The following PPM1L variants were observed in gnomAD, a reference collection of about 807,000 sequenced individuals.
The protein encoded by PPM1L is protein phosphatase, Mg2+/Mn2+ dependent 1L, also known as protein phosphatase 1L.
In PPM1L, 13 loss-of-function variants were observed where a neutral mutation model predicts 31.4. The ratio of observed to expected loss-of-function variants is 0.41; its 90% CI spans 0.27 to 0.66. The LOEUF is 0.66. Ranked by LOEUF, PPM1L falls within the 30% of genes least tolerant of loss-of-function variation. The pLI is 0.29. For missense variants in PPM1L, 326 were observed against 453.7 expected (o/e 0.72, Z 2.56); for synonymous variants, 184 against 175.4 (o/e 1.05, Z -0.39).
At chr3:160,975,229 T>A (rs1267210250) in intron 2 of PPM1L, among the ~76,000 whole-genome samples, 1 of 152,134 alleles carries the variant, frequency 6.6e-6, no homozygotes, top group Non-Finnish European at 1.5e-5. Flanking sequence ...TCCATTGATC[T>A]ATATCTCTGT....
At chr3:160,944,375 T>C (rs751588458) in intron 1 of PPM1L, among the ~76,000 whole-genome samples, 8 of 151,948 alleles carry the variant, frequency 5.3e-5, no homozygotes, top group Non-Finnish European at 1.0e-4. Context: ...CTCATTGTTT[T>C]TATAATGCTT....
At chr3:160,840,166 T>C (rs1560122096) in intron 1 of PPM1L, among the ~76,000 whole-genome samples, 1 of 152,174 alleles carries the variant, frequency 6.6e-6, no homozygotes, top group East Asian at 1.9e-4. Context: ...ATGGTACTTT[T>C]AAAATGTTTC....
intron 1 of PPM1L, among the ~76,000 whole-genome samples, chr3:160,837,989 A>G (rs1341406479): frequency 1.3e-5 from 2 of 152,130 alleles, no homozygotes; most frequent in African/African-American, 4.8e-5. Flanking sequence ...ATGCTTATAG[A>G]AGACTTTGTG....
intron 2 of PPM1L, among the ~76,000 whole-genome samples, chr3:161,008,173 T>C (rs1559922475): frequency 6.6e-6 from 1 of 152,212 alleles, no homozygotes; most frequent in Non-Finnish European, 1.5e-5. Flanking sequence ...TCCCTCCACC[T>C]TTTTGTGTAA....
In PPM1L at chr3:161,065,105, C is replaced by T. The variant is rs192966392; in HGVS notation, c.575-298C>T. ...ACTGAAACTTCAAACGATTTTGTTT[C>T]TCTCCTAATCCTTTTAAATGTGATA... On this transcript the variant is annotated intron_variant, in intron 2 of 3. Transcript: ENST00000498165. 5.9e-3 allele frequency among the ~76,000 whole-genome samples: 893 copies of T among 152,188 alleles called. 3 individuals are homozygous for T. Among genetic ancestry groups the T allele is most frequent in the Non-Finnish European group, 0.01 (693 of 68,000 alleles).
At chr3:160,792,417 A>C (rs1289058797) in intron 1 of PPM1L, among the ~76,000 whole-genome samples, 1 of 152,144 alleles carries the variant, frequency 6.6e-6, no homozygotes, top group African/African-American at 2.4e-5. Context: ...TAAGCTTTTA[A>C]TTTTAGAATG....
At chr3:160,880,137 A>C (rs924353468) in intron 1 of PPM1L, among the ~76,000 whole-genome samples, 1 of 152,152 alleles carries the variant, frequency 6.6e-6, no homozygotes, top group African/African-American at 2.4e-5. Flanking sequence ...AAATTATACC[A>C]TCTTCTTGGC....
chr3:160,756,710 A>G lies in PPM1L; in HGVS notation c.399+3A>G, dbSNP rs760798705. The G allele has an allele frequency of 1.9e-6, 3 of 1,611,688 alleles. No homozygotes were observed. In the South Asian group the frequency reaches 3.3e-5, roughly 18 times the overall value. On this transcript the variant is annotated splice_donor_region_variant and intron_variant, in intron 1 of 3. Transcript: ENST00000498165. This position sits in a 1 kb window ranked among gnomAD's most constrained non-coding sequence, Gnocchi z 6.2. ...TCTTCGACGGGCACGGGGGAGAGGT[A>G]GGAGCTACCCCGGGGCTTTGTATTT...
intron 1 of PPM1L, among the ~76,000 whole-genome samples, chr3:160,771,778 A>T (rs1413222304): frequency 2.0e-5 from 3 of 151,936 alleles, no homozygotes; most frequent in African/African-American, 7.2e-5. Flanking sequence ...TGCCAGCCAT[A>T]GCTTTGACAC....
chr3:160,917,293 T>A (rs1353302805), intron 1 of PPM1L, among the ~76,000 whole-genome samples: 1 of 152,228 alleles, frequency 6.6e-6, no homozygotes, highest in Non-Finnish European at 1.5e-5. Context: ...CTGCTAGCAT[T>A]GTAAATAGCC....
chr3:161,065,377 C>T (rs375488070), intron 2 of PPM1L, 26 bp from the exon 3 acceptor site: 16 of 1,609,704 alleles, frequency 9.9e-6, no homozygotes, highest in Middle Eastern at 1.7e-4. Flanking sequence ...TGACCTCCCG[C>T]GTTCTCTCTC....
At chr3:160,823,660 A>G (rs977549841) in intron 1 of PPM1L, among the ~76,000 whole-genome samples, 2 of 152,182 alleles carry the variant, frequency 1.3e-5, no homozygotes, top group African/African-American at 4.8e-5. Flanking sequence ...CATTTCTTAA[A>G]CATTTGCCAT....
intron 1 of PPM1L, among the ~76,000 whole-genome samples, chr3:160,941,894 G>A (rs1715174315): frequency 6.6e-6 from 1 of 152,232 alleles, no homozygotes; most frequent in Non-Finnish European, 1.5e-5. Flanking sequence ...TTTGATAAAT[G>A]TTAAAAGAAT....
At chr3:160,823,689 T>C (rs555933073) in intron 1 of PPM1L, among the ~76,000 whole-genome samples, 1 of 152,260 alleles carries the variant, frequency 6.6e-6, no homozygotes, top group East Asian at 1.9e-4. Context: ...TACGCTATGC[T>C]TTTTATATAT....
chr3:160,995,846 T>C (rs1050779118), intron 2 of PPM1L, among the ~76,000 whole-genome samples: 18 of 152,174 alleles, frequency 1.2e-4, no homozygotes, highest in African/African-American at 4.1e-4. Flanking sequence ...AGTTTTCTAA[T>C]GGCATCTCTT....
intron 1 of PPM1L, among the ~76,000 whole-genome samples, chr3:160,792,332 C>T (rs1316897701): frequency 6.6e-6 from 1 of 152,054 alleles, no homozygotes; most frequent in South Asian, 2.1e-4. Flanking sequence ...TAAGTAACAA[C>T]TTAGTACCAA....
chr3:160,940,338 G>A (rs185887477), intron 1 of PPM1L, among the ~76,000 whole-genome samples: 2 of 152,304 alleles, frequency 1.3e-5, no homozygotes, highest in African/African-American at 4.8e-5. Context: ...TGCATAAGTA[G>A]CAAGGAGCCT....
intron 1 of PPM1L, among the ~76,000 whole-genome samples, chr3:160,892,879 T>A (rs1456237369): frequency 2.0e-5 from 3 of 152,160 alleles, no homozygotes; most frequent in Non-Finnish European, 4.4e-5. Flanking sequence ...TTCACAGAAT[T>A]CATTGATAAT....
At chr3:161,061,751 C>T (rs1719576631) in intron 2 of PPM1L, among the ~76,000 whole-genome samples, 1 of 152,160 alleles carries the variant, frequency 6.6e-6, no homozygotes, top group Non-Finnish European at 1.5e-5. Flanking sequence ...ATTTTGCTAT[C>T]TATAGGGGGT....
Sources: allele counts gnomAD v4.1 joint callset (sites outside exome capture counted in the v4.1 genomes callset), GRCh38; gene constraint gnomAD v4.1.1; non-coding constraint Gnocchi (gnomAD v3.1); transcripts MANE v1.5; gene names NCBI Gene and HGNC (gene_info 2026-07-23, HGNC 2026-07-21).